Variants in ACSL6 observed in about 807,000 individuals in gnomAD.
ACSL6 encodes the protein acyl-CoA synthetase long chain family member 6, also known as long-chain-fatty-acid--CoA ligase 6.
Under a neutral mutation model 98.2 loss-of-function variants are expected in ACSL6, and 47 were observed. The ratio of observed to expected loss-of-function variants is 0.48; its 90% CI spans 0.38 to 0.61. The LOEUF (loss-of-function observed/expected upper bound fraction) is 0.61. ACSL6 is among the 20% of genes least tolerant of loss of function. The pLI is 0.00. For missense variants in ACSL6, 761 were observed against 913.4 expected, an observed-to-expected ratio of 0.83 and a Z score of 2.15; for synonymous variants, 362 against 336.9, an observed-to-expected ratio of 1.07 and a Z score of -0.82.
intron 5 of ACSL6, 132 bp downstream of exon 5, chr5:131,989,275 T>C (rs964224779): frequency 2.4e-6 from 2 of 850,594 alleles, no homozygotes; most frequent in Non-Finnish European, 3.7e-6. Flanking sequence ...GGAAGAGGAG[T>C]GGTGGCATAG....
intron 7 of ACSL6, among the ~76,000 whole-genome samples, chr5:131,987,509 T>TG (rs920221625): frequency 1.1e-4 from 17 of 152,030 alleles, no homozygotes; most frequent in African/African-American, 3.4e-4. Context: ...TAGGGCATAG[T>TG]GGGGGGTCAG....
intron 11 of ACSL6, 85 bp from the exon 12 acceptor site, chr5:131,973,485 C>T (rs1319681993): frequency 1.4e-6 from 2 of 1,444,800 alleles, no homozygotes; most frequent in Admixed American, 2.1e-5. Flanking sequence ...TGCTGCCCTA[C>T]ATGGAGGGCA....
chr5:131,971,882 C>T (rs2149718066), intron 13 of ACSL6, among the ~76,000 whole-genome samples: 2 of 152,288 alleles, frequency 1.3e-5, no homozygotes, highest in South Asian at 4.1e-4. Flanking sequence ...TTCTTTTATG[C>T]CTTTTGAGAT....
At chr5:131,964,748 T>G (rs1264792017) in intron 17 of ACSL6, among the ~76,000 whole-genome samples, 1 of 152,242 alleles carries the variant, frequency 6.6e-6, no homozygotes, top group Non-Finnish European at 1.5e-5. Context: ...GTTCAGGACC[T>G]GCTGACCTCT....
intron 12 of ACSL6, 125 bp downstream of exon 12, chr5:131,973,141 G>T: frequency 7.8e-7 from 1 of 1,288,864 alleles, no homozygotes; most frequent in Non-Finnish European, 1.1e-6. Context: ...GGAACTACAA[G>T]AGAGGAGGCA....
intron 12 of ACSL6, 28 bp downstream of exon 12, chr5:131,973,238 C>A: frequency 6.2e-7 from 1 of 1,609,436 alleles, no homozygotes; most frequent in South Asian, 1.1e-5. Context: ...GCCCCTCAGC[C>A]TGGCTGAAGA....
At chr5:131,988,530 C>T in intron 6 of ACSL6, 1 of 1,605,074 alleles carries the variant, frequency 6.2e-7, no homozygotes, top group Non-Finnish European at 8.5e-7. Flanking sequence ...CTGTGCCAAG[C>T]TGTCATGAAC....
chr5:131,984,993 C>T (rs939051482), intron 9 of ACSL6: 16 of 232,824 alleles, frequency 6.9e-5, no homozygotes, highest in Admixed American at 2.7e-4. Context: ...GGAGGTAGGA[C>T]TCAAACCAAG....
Position 131,966,543 on chromosome 5 carries a change from A to G in ACSL6, c.1597-11T>C. On this transcript the variant is annotated splice_polypyrimidine_tract_variant and intron_variant, in intron 16 of 20. Transcript: ENST00000651883. ...TCCTCTCACACATATCTATGGGACAAAAACCATGGCTTCTCTCAGCCACAT... is the reference window on the plus strand; with the variant it reads ...TCCTCTCACACATATCTATGGGACAGAAACCATGGCTTCTCTCAGCCACAT... The G allele has an allele frequency of 6.2e-7, 1 of 1,611,118 alleles. No individual in the cohort carries two copies. The highest frequency in any genetic ancestry group is 8.5e-7 in the Non-Finnish European group (1 of 1,177,232).
intron 1 of ACSL6, chr5:131,994,748 C>T: frequency 5.6e-6 from 1 of 179,340 alleles, no homozygotes; most frequent in Non-Finnish European, 1.2e-5. Flanking sequence ...CTCCCAACTC[C>T]AGGCCCTGAC....
chr5:131,989,686 C>T (rs1484980440), intron 4 of ACSL6, among the ~76,000 whole-genome samples, 178 bp from the exon 5 acceptor site: 1 of 147,320 alleles, frequency 6.8e-6, no homozygotes, highest in Non-Finnish European at 1.5e-5. Context: ...ACCTCTGCCT[C>T]CCAGGTTCAA....
intron 1 of ACSL6, among the ~76,000 whole-genome samples, chr5:132,010,026 T>C (rs921093907): frequency 2.0e-5 from 3 of 152,134 alleles, no homozygotes; most frequent in Admixed American, 6.5e-5. Flanking sequence ...TGGTGGCTGT[T>C]ACGACCACCA....
intron 11 of ACSL6, chr5:131,974,067 T>C (rs1425985651): frequency 6.6e-6 from 1 of 152,520 alleles, no homozygotes; most frequent in Non-Finnish European, 1.5e-5. Context: ...TTACAGTAAT[T>C]GCTGGCATTG....
At chr5:131,968,537 AC>A (rs1451832274) in intron 15 of ACSL6, among the ~76,000 whole-genome samples, 1 of 152,208 alleles carries the variant, frequency 6.6e-6, no homozygotes, top group Non-Finnish European at 1.5e-5. Flanking sequence ...CTGAGATTCG[AC>A]ATTTCTTACA....
chr5:131,987,265 G>A (rs926038067), intron 7 of ACSL6, among the ~76,000 whole-genome samples: 1 of 152,208 alleles, frequency 6.6e-6, no homozygotes, highest in Non-Finnish European at 1.5e-5. Context: ...ATGGCAATCC[G>A]AGTGTGAGCA....
At chr5:131,996,348 T>C (rs1754792420) in intron 1 of ACSL6, among the ~76,000 whole-genome samples, 1 of 152,244 alleles carries the variant, frequency 6.6e-6, no homozygotes, top group African/African-American at 2.4e-5. Flanking sequence ...GCTGGCCTTC[T>C]TGGGACATTT....
At chr5:131,973,594 T>A in intron 11 of ACSL6, 194 bp from the exon 12 acceptor site, 1 of 489,908 alleles carries the variant, frequency 2.0e-6, no homozygotes, top group Non-Finnish European at 3.6e-6. Flanking sequence ...CAAGTCCCAC[T>A]CAGGCACAGG....
chr5:131,988,416 CAGA>C, intron 6 of ACSL6, 190 bp from the exon 7 acceptor site: 1 of 1,312,310 alleles, frequency 7.6e-7, no homozygotes, highest in Non-Finnish European at 1.1e-6. Context: ...GAACCAAGGG[CAGA>C]AGGCCATGGA....
At position 131,988,236 on chromosome 5, in the gene ACSL6, G is replaced by T. The variant is rs754225638; in HGVS notation, c.653-10C>A. On this transcript the variant is annotated splice_polypyrimidine_tract_variant and intron_variant, in intron 6 of 20. Transcript: ENST00000651883. ...ACGGTGCTGATGTCCGCTGCAGGGG[G>T]CCATCAAGGAGAGTCAGGCCATGTG... The T allele has an allele frequency of 6.2e-7, 1 of 1,613,526 alleles. No individual in the cohort carries two copies.
Sources: gnomAD v4.1 joint callset for allele counts (sites outside exome capture counted in the v4.1 genomes callset) on GRCh38, gnomAD v4.1.1 for gene constraint, MANE v1.5 for transcripts, NCBI Gene and HGNC (gene_info 2026-07-23, HGNC 2026-07-21) for gene names.